The following MED13L variants were observed in gnomAD, a reference collection of about 807,000 sequenced individuals.
The protein encoded by MED13L is mediator complex subunit 13L, also known as mediator of RNA polymerase II transcription subunit 13-like.
In MED13L, 7 loss-of-function variants were observed where a neutral mutation model predicts 220.9. That is an observed-to-expected ratio of 0.03 (90% CI 0.02 to 0.06). The LOEUF (loss-of-function observed/expected upper bound fraction) is 0.06. MED13L is among the 10% of genes least tolerant of loss of function. The pLI is 1.00. For synonymous variants in MED13L, 1,011 were observed against 1,015.2 expected (o/e 1.00, Z 0.08); for missense variants, 1,965 against 2,760.5 (o/e 0.71, Z 6.46).
intron 3 of MED13L, among the ~76,000 whole-genome samples, chr12:116,109,298 T>C (rs1439897529): frequency 2.0e-5 from 3 of 151,954 alleles, no homozygotes; most frequent in Admixed American, 6.6e-5. Context: ...AATTTTCTTA[T>C]AAATAATAGT....
rs1477761492 is a variant in MED13L, at chr12:115,980,955, A to G, written c.5176-17T>C. 1 of 1,459,228 alleles carries G rather than the reference A, an allele frequency of 6.9e-7. No homozygotes were observed. The highest frequency in any genetic ancestry group is 9.3e-7 in the Non-Finnish European group (1 of 1,071,040). 90.4% of individuals were successfully genotyped at this position (1,459,228 alleles called of 1,614,324 possible). A position where few individuals can be genotyped will look rare whatever the true frequency, so the allele number is the denominator to read the frequency against. ...AGGCACAATCTAAAGACACAAATAC[A>G]AAAAAAAAACAAAAACCAAAAACCT... On this transcript the variant is annotated splice_polypyrimidine_tract_variant and intron_variant, in intron 22 of 30. Coordinates refer to ENST00000281928, the MANE Select transcript of MED13L (RefSeq NM_015335.5).
rs150339628 is a variant in MED13L, at chr12:115,983,219, G to C, written c.4853C>G (p.Thr1618Ser). 2.9e-4 allele frequency: 463 copies of C among 1,614,034 alleles called. No homozygotes were observed. The highest frequency in any genetic ancestry group is 2.8e-4 in the Non-Finnish European group (325 of 1,180,006). Residue 1618 changes from threonine (T) to serine (S), a missense_variant, in exon 21 of 31, where the codon ACT (threonine) becomes AGT (serine). Physicochemically the swap from Thr to Ser is moderately conservative, Grantham distance 58. This residue lies in a region of MED13L where 510 missense variants were observed against 620.4 expected (regional missense o/e 0.82). Coordinates refer to ENST00000281928, the MANE Select transcript of MED13L (RefSeq NM_015335.5). ...CGTTCTATCCGCAGAAATGCCCCCA[G>C]TGCTGGGGTTCTGCCCTCCAACACT... ...SGSVGGQNPS[T>S]GGISADRTQG...
intron 1 of MED13L, among the ~76,000 whole-genome samples, chr12:116,249,446 AG>A (rs1871330184): frequency 6.6e-6 from 1 of 152,198 alleles, no homozygotes; most frequent in Non-Finnish European, 1.5e-5. Context: ...CACAATGTCC[AG>A]CAACCAATAA....
intron 16 of MED13L, 105 bp downstream of exon 16, chr12:115,996,371 C>A: frequency 1.5e-6 from 2 of 1,310,746 alleles, no homozygotes; most frequent in Non-Finnish European, 2.2e-6. Context: ...GGATTACAGG[C>A]ATGAGCCACC....
At chr12:115,986,519 C>G (rs770649675) in intron 18 of MED13L, 30 bp from the exon 19 acceptor site, 2 of 1,603,228 alleles carry the variant, frequency 1.2e-6, no homozygotes. Flanking sequence ...TAGAAAGGTG[C>G]TAGAGAGTTT....
At chr12:116,270,900 G>C (rs1462343070) in intron 1 of MED13L, among the ~76,000 whole-genome samples, 1 of 151,514 alleles carries the variant, frequency 6.6e-6, no homozygotes, top group Non-Finnish European at 1.5e-5. Flanking sequence ...AAATTAGCTG[G>C]GCATAGTGGC....
At chr12:116,147,647 G>C (rs148304749) in intron 2 of MED13L, among the ~76,000 whole-genome samples, 4 of 152,182 alleles carry the variant, frequency 2.6e-5, no homozygotes, top group Non-Finnish European at 4.4e-5. Context: ...ATATGCTAAA[G>C]ATTTCTTTCC....
intron 9 of MED13L, among the ~76,000 whole-genome samples, chr12:116,012,218 A>G (rs1310132258): frequency 6.6e-6 from 1 of 152,222 alleles, no homozygotes. Context: ...ATTCTTTACT[A>G]CAACAAAGAG....
chr12:116,129,415 T>C (rs1875869569), intron 2 of MED13L, among the ~76,000 whole-genome samples: 1 of 152,184 alleles, frequency 6.6e-6, no homozygotes, highest in Non-Finnish European at 1.5e-5. Context: ...CAAGGCCCTT[T>C]TTAACTTTCA....
intron 4 of MED13L, among the ~76,000 whole-genome samples, chr12:116,050,800 G>A (rs1039276451): frequency 9.2e-5 from 14 of 152,068 alleles, no homozygotes; most frequent in African/African-American, 2.9e-4. Context: ...TCAGCCAGGC[G>A]TGGTGGCACA....
Position 116,274,604 on chromosome 12 carries a change from T to C in MED13L, c.72+2456A>G, listed in dbSNP as rs546711108. The stretch of plus-strand genomic sequence containing the variant: ...AATATTCCAGGTTGCTACTGCTGTA[T>C]AGCATTTTCAAAAAAAAAAAATCTC... On this transcript the variant is annotated intron_variant, in intron 1 of 30. Transcript: ENST00000281928. Among the ~76,000 whole-genome samples the C allele has an allele frequency of 1.4e-4, 20 of 144,844 alleles. 2 individuals are homozygous for C. In the South Asian group the frequency reaches 4.3e-3, roughly 31 times the overall value.
At chr12:116,226,230 T>C (rs777396962) in intron 2 of MED13L, among the ~76,000 whole-genome samples, 5 of 152,090 alleles carry the variant, frequency 3.3e-5, no homozygotes, top group African/African-American at 7.2e-5. Flanking sequence ...ATGTGGATAT[T>C]GTAGAAGCCC....
intron 4 of MED13L, among the ~76,000 whole-genome samples, chr12:116,040,924 G>C (rs996869544): frequency 6.6e-6 from 1 of 152,160 alleles, no homozygotes. Context: ...TACAGAATTA[G>C]TACGGGAGGG....
At chr12:116,016,648 T>C (rs1879743044) in intron 7 of MED13L, among the ~76,000 whole-genome samples, 1 of 152,106 alleles carries the variant, frequency 6.6e-6, no homozygotes, top group African/African-American at 2.4e-5. Flanking sequence ...AAACAAGCCA[T>C]AGAGACTTTT....
intron 10 of MED13L, chr12:116,007,994 C>A: frequency 3.0e-6 from 1 of 327,878 alleles, no homozygotes; most frequent in Non-Finnish European, 5.6e-6. Flanking sequence ...ATGGGTGGCT[C>A]AAAAGAGCTA....
At chr12:116,275,192 T>G (rs184544325) in intron 1 of MED13L, among the ~76,000 whole-genome samples, 145 of 152,194 alleles carry the variant, frequency 9.5e-4, no homozygotes, top group Admixed American at 3.5e-3. Context: ...AAAAACCATT[T>G]TAAATACCCC....
intron 4 of MED13L, among the ~76,000 whole-genome samples, chr12:116,073,065 T>C (rs535852692): frequency 4.9e-4 from 74 of 152,302 alleles, no homozygotes; most frequent in South Asian, 6.2e-4. Flanking sequence ...TGAAAGAATA[T>C]ATTAGAGACC....
chr12:116,042,775 C>A (rs1401497979), intron 4 of MED13L, among the ~76,000 whole-genome samples: 2 of 151,888 alleles, frequency 1.3e-5, no homozygotes, highest in South Asian at 4.2e-4. Flanking sequence ...TAAAAAAAAA[C>A]CCAGCATCCT....
intron 1 of MED13L, among the ~76,000 whole-genome samples, chr12:116,270,772 G>C (rs893234779): frequency 6.6e-6 from 1 of 151,912 alleles, no homozygotes; most frequent in Non-Finnish European, 1.5e-5. Context: ...GCCGGGCGCG[G>C]TGGCTCGAGC....
Sources: gnomAD v4.1 joint callset for allele counts (sites outside exome capture counted in the v4.1 genomes callset) on GRCh38, gnomAD v4.1.1 for gene constraint, gnomAD v4.1.1 regional missense constraint, MANE v1.5 for transcripts, NCBI Gene and HGNC (gene_info 2026-07-23, HGNC 2026-07-21) for gene names.